ILDR1: variants seen among roughly 807,000 people sequenced by gnomAD.
ILDR1 encodes the protein immunoglobulin like domain containing receptor 1, also known as immunoglobulin-like domain-containing receptor 1.
A neutral mutation model predicts 62.4 loss-of-function variants in ILDR1; 56 were observed. The ratio of observed to expected loss-of-function variants is 0.90; its 90% CI spans 0.72 to 1.12. The LOEUF is 1.12. Among genes scored for constraint, ILDR1 ranks in the 50% most tolerant of loss-of-function variants. The pLI is 0.00. For synonymous variants in ILDR1, 284 were observed against 277.8 expected (o/e 1.02, Z -0.22); for missense variants, 736 against 710.6 (o/e 1.04, Z -0.41).
chr3:121,993,356 G>C lies in ILDR1; in HGVS notation c.1393C>G (p.His465Asp). Residue 465 changes from histidine to aspartate, a missense_variant, in exon 7 of 8, where the codon CAC (histidine) becomes GAC (aspartate). Physicochemically the swap from His to Asp is moderately conservative, Grantham distance 81. Coordinates refer to ENST00000344209, the MANE Select transcript of ILDR1 (RefSeq NM_001199799.2). ...STQRHGRRRRHRSYSPPLPSG... is the reference protein window; with the variant it reads ...STQRHGRRRRDRSYSPPLPSG... ...GGCAAGGGAGGAGAGTAGCTGCGGT[G>C]CCTGCGTCGTCTCCCGTGCCTCTGA... 6.2e-7 allele frequency: 1 copy of C among 1,609,914 alleles called. No homozygotes were observed. The highest frequency in any genetic ancestry group is 8.5e-7 in the Non-Finnish European group (1 of 1,176,820).
At chr3:122,034,541 G>T in the ILDR1 span, among the ~76,000 whole-genome samples, 1 of 152,202 alleles carries the variant, frequency 6.6e-6, no homozygotes, top group African/African-American at 2.4e-5. Flanking sequence ...CCAGTAACAA[G>T]AATCAAGCTA....
chr3:122,032,462 A>G, the ILDR1 span, among the ~76,000 whole-genome samples: 1 of 152,218 alleles, frequency 6.6e-6, no homozygotes, highest in Non-Finnish European at 1.5e-5. Context: ...AGGGTCACCC[A>G]TCCATCCATT....
At chr3:122,021,649 A>T (rs899621554) in intron 1 of ILDR1, among the ~76,000 whole-genome samples, 1 of 152,232 alleles carries the variant, frequency 6.6e-6, no homozygotes, top group African/African-American at 2.4e-5. Context: ...TTCTGGGCCA[A>T]TATGGTTGTC....
rs964758180 is a variant in ILDR1, at chr3:122,002,008, C to T, written c.380-144G>A. On this transcript the variant is annotated intron_variant, in intron 3 of 7. Coordinates refer to ENST00000344209, the MANE Select transcript of ILDR1 (RefSeq NM_001199799.2). ...AAAAAAAATTATCCAGCCATGGTGGCATGTGCCTATAGTCCCAGCTTCTCT... is the reference window on the plus strand; with the variant it reads ...AAAAAAAATTATCCAGCCATGGTGGTATGTGCCTATAGTCCCAGCTTCTCT... 65 of 966,618 alleles carry T rather than the reference C, an allele frequency of 6.7e-5. No individual in the cohort carries two copies. In the African/African-American group the frequency reaches 9.9e-4, roughly 15 times the overall value. The allele number at this position is 966,618 out of a possible 1,614,324, so 59.9% of individuals were successfully genotyped here.
chr3:122,008,765 T>G (rs538795108), intron 1 of ILDR1, among the ~76,000 whole-genome samples: 18 of 151,110 alleles, frequency 1.2e-4, no homozygotes, highest in Non-Finnish European at 2.5e-4. Context: ...GGCTAATTTT[T>G]GTATTTTAGT....
At chr3:122,042,713 C>A in the ILDR1 span, among the ~76,000 whole-genome samples, 1 of 152,172 alleles carries the variant, frequency 6.6e-6, no homozygotes, top group Non-Finnish European at 1.5e-5. Flanking sequence ...TAAATGTCTT[C>A]TTTTGAGAAG....
the ILDR1 span, among the ~76,000 whole-genome samples, chr3:122,041,067 T>C: frequency 2.6e-5 from 4 of 152,172 alleles, no homozygotes; most frequent in African/African-American, 9.7e-5. Context: ...AACTCAGCAA[T>C]AGGAAAATGA....
At position 121,988,071 on chromosome 3, in the gene ILDR1, CCTAA is replaced by C. The variant is rs1443952115; in HGVS notation, c.*292_*295del. ...GGGACTACAAGTGCATGCCACCACA[CCTAA>C]CTAATTTTTATATTTTTTGTAGAGA... On this transcript the variant is annotated 3_prime_UTR_variant, in exon 8 of 8. Transcript: ENST00000344209. 7.1e-5 allele frequency: 30 copies of C among 424,990 alleles called. No homozygotes were observed. In the East Asian group the frequency reaches 1.5e-3, roughly 22 times the overall value. The allele number at this position is 424,990 out of a possible 1,614,324, so 26.3% of individuals were successfully genotyped here.
the ILDR1 span, among the ~76,000 whole-genome samples, chr3:122,047,683 G>GC: frequency 5.9e-5 from 9 of 152,114 alleles, no homozygotes; most frequent in Admixed American, 2.6e-4. Context: ...TTTTCCAGGT[G>GC]CGTCTGTCAC....
At chr3:121,997,566 G>A (rs1211873023) in intron 5 of ILDR1, among the ~76,000 whole-genome samples, 1 of 152,168 alleles carries the variant, frequency 6.6e-6, no homozygotes, top group Admixed American at 6.5e-5. Flanking sequence ...AGCCCTGAAC[G>A]TGGAGCCAAG....
At chr3:122,037,930 CTCTCTCTG>C in the ILDR1 span, among the ~76,000 whole-genome samples, 5 of 151,790 alleles carry the variant, frequency 3.3e-5, no homozygotes, top group East Asian at 1.9e-4. Flanking sequence ...TCCTCTCTCT[CTCTCTCTG>C]TCTCTCTGTC....
intron 3 of ILDR1, 116 bp from the exon 4 acceptor site, chr3:122,001,980 T>C: frequency 8.7e-7 from 1 of 1,143,018 alleles, no homozygotes; most frequent in Non-Finnish European, 1.2e-6. Flanking sequence ...CAAAAAATAA[T>C]AAAAAAAAAA....
chr3:122,047,432 G>A, the ILDR1 span, among the ~76,000 whole-genome samples: 1 of 152,238 alleles, frequency 6.6e-6, no homozygotes, highest in Non-Finnish European at 1.5e-5. Flanking sequence ...TTGAGCTATG[G>A]TGGGCTCCAC....
At chr3:121,996,795 A>G (rs2071443741) in intron 5 of ILDR1, among the ~76,000 whole-genome samples, 2 of 152,210 alleles carry the variant, frequency 1.3e-5, no homozygotes, top group Non-Finnish European at 2.9e-5. Flanking sequence ...GTCAACTTGG[A>G]ATTGACTGCT....
At chr3:122,028,056 G>A in the ILDR1 span, among the ~76,000 whole-genome samples, 14 of 152,000 alleles carry the variant, frequency 9.2e-5, no homozygotes, top group South Asian at 2.1e-4. Context: ...GGCCGGGCGC[G>A]GTGGCTCACG....
chr3:122,058,473 G>A, the ILDR1 span, among the ~76,000 whole-genome samples: 1 of 152,198 alleles, frequency 6.6e-6, no homozygotes, highest in Non-Finnish European at 1.5e-5. Context: ...ATGACTCAGA[G>A]CTACTGGGGC....
chr3:122,054,270 T>G, the ILDR1 span, among the ~76,000 whole-genome samples: 1 of 152,236 alleles, frequency 6.6e-6, no homozygotes, highest in Non-Finnish European at 1.5e-5. Context: ...TTAACTTGCT[T>G]TAAAGCTCAG....
chr3:121,993,070 C>T, intron 7 of ILDR1, 80 bp downstream of exon 7: 1 of 1,165,012 alleles, frequency 8.6e-7, no homozygotes. Context: ...TGAGAGGCAG[C>T]CTGTGTTGGC....
intron 5 of ILDR1, among the ~76,000 whole-genome samples, chr3:122,000,841 C>CTT (rs2071512163): frequency 6.6e-6 from 1 of 152,186 alleles, no homozygotes; most frequent in Non-Finnish European, 1.5e-5. Context: ...TGAGTAATTC[C>CTT]TTTTTGTGTG....
Sources: gnomAD v4.1 joint callset for allele counts (sites outside exome capture counted in the v4.1 genomes callset) on GRCh38, gnomAD v4.1.1 for gene constraint, MANE v1.5 for transcripts, NCBI Gene and HGNC (gene_info 2026-07-23, HGNC 2026-07-21) for gene names.